CFAP46: variants seen among roughly 807,000 people sequenced by gnomAD.
The protein encoded by CFAP46 is cilia- and flagella-associated protein 46.
A neutral mutation model predicts 325.7 loss-of-function variants in CFAP46; 245 were observed. The ratio of observed to expected loss-of-function variants is 0.75; its 90% confidence interval spans 0.68 to 0.84. The LOEUF (loss-of-function observed/expected upper bound fraction) is 0.84. CFAP46 is among the 40% of genes least tolerant of loss of function. The probability of loss-of-function intolerance (pLI) is 0.00; values close to 1 mark genes in which losing one functional copy is unlikely to be tolerated. For synonymous variants in CFAP46, 1,523 were observed against 1,495.9 expected, an observed-to-expected ratio of 1.02 and a Z score of -0.42; for missense variants, 3,346 against 3,543.0, an observed-to-expected ratio of 0.94 and a Z score of 1.41.
rs367990294 is a variant in CFAP46, at chr10:132,888,792, G to A, written c.3305-2833C>T. On this transcript the variant is annotated intron_variant, in intron 25 of 57. Transcript: ENST00000368586. ...TGCACCTGCCACCTTCACCCCTGCC[G>A]CCTGCACCTGCCACCTTCACCCCTG... Among the ~76,000 whole-genome samples the A allele has an allele frequency of 2.9e-3, 164 of 57,462 alleles. 14 individuals carry two copies. Among genetic ancestry groups the A allele is most frequent in the Admixed American group, 4.2e-3 (24 of 5,660 alleles). The allele number at this position is 57,462 out of a possible 152,430, so 37.7% of individuals were successfully genotyped here. A position where few individuals can be genotyped will look rare whatever the true frequency, so the allele number is the denominator to read the frequency against.
Position 132,879,635 on chromosome 10 carries a change from A to C in CFAP46, c.3800-4T>G, listed in dbSNP as rs926003268. 5 of 1,511,616 alleles carry C rather than the reference A, an allele frequency of 3.3e-6. No homozygotes were observed. In the African/African-American group the frequency reaches 6.9e-5, roughly 21 times the overall value. The allele number at this position is 1,511,616 out of a possible 1,614,324, so 93.6% of individuals were successfully genotyped here. On this transcript the variant is annotated splice_polypyrimidine_tract_variant and splice_region_variant and intron_variant, in intron 28 of 57. Transcript: ENST00000368586. ...ATCTCCACAGCCACGTACTCCCCTGAAACACGGGGTGCCCGAGGCTGAGAG... is the reference window on the plus strand; with the variant it reads ...ATCTCCACAGCCACGTACTCCCCTGCAACACGGGGTGCCCGAGGCTGAGAG...
intron 39 of CFAP46, among the ~76,000 whole-genome samples, chr10:132,856,841 C>T (rs969894494): frequency 3.3e-5 from 5 of 152,238 alleles, no homozygotes; most frequent in Non-Finnish European, 7.3e-5. Flanking sequence ...TGGGCTTTGT[C>T]TTCCTTTGGG....
chr10:132,860,219 A>G (rs1267183953), intron 37 of CFAP46, among the ~76,000 whole-genome samples, 198 bp downstream of exon 37: 1 of 152,240 alleles, frequency 6.6e-6, no homozygotes, highest in African/African-American at 2.4e-5. Context: ...TGGAAGGTCC[A>G]CTTCTCAAAG....
chr10:132,892,244 G>A, intron 25 of CFAP46, 89 bp downstream of exon 25: 1 of 1,257,542 alleles, frequency 8.0e-7, no homozygotes. Flanking sequence ...CAGGGCATGG[G>A]AATTTAAAAG....
At chr10:132,853,548 T>G (rs1848593577) in intron 39 of CFAP46, among the ~76,000 whole-genome samples, 1 of 152,244 alleles carries the variant, frequency 6.6e-6, no homozygotes, top group African/African-American at 2.4e-5. Context: ...GTGGGATGTA[T>G]TCTCTCCTTT....
At chr10:132,882,122 G>C in intron 27 of CFAP46, among the ~76,000 whole-genome samples, 1 of 148,434 alleles carries the variant, frequency 6.7e-6, no homozygotes. Context: ...GTCTGTATGG[G>C]ATGTGGGGTG....
chr10:132,823,077 GTGTGCTGATGTGTGCTTTGTA>G (rs1489632449), intron 50 of CFAP46, among the ~76,000 whole-genome samples: 3 of 146,294 alleles, frequency 2.1e-5, no homozygotes, highest in East Asian at 4.2e-4. Context: ...TGTGTGCTGT[GTGTGCTGATGTGTGCTTTGTA>G]TGTGCTGATG....
chr10:132,921,046 G>A (rs528393691), intron 13 of CFAP46, among the ~76,000 whole-genome samples: 2 of 152,318 alleles, frequency 1.3e-5, no homozygotes, highest in South Asian at 2.1e-4. Context: ...GCCCCTTCCC[G>A]CTCCAAGAGT....
At chr10:132,823,396 G>A (rs576257907) in intron 50 of CFAP46, among the ~76,000 whole-genome samples, 2 of 137,248 alleles carry the variant, frequency 1.5e-5, no homozygotes, top group East Asian at 4.7e-4. Context: ...ACTGATGTGT[G>A]CTGTGTGTGT....
At chr10:132,870,331 T>C (rs116417544) in intron 32 of CFAP46, among the ~76,000 whole-genome samples, 326 of 152,218 alleles carry the variant, frequency 2.1e-3, no homozygotes, top group African/African-American at 7.4e-3. Flanking sequence ...CGATGGGCTC[T>C]TAAGTGTTCC....
At chr10:132,924,594 TG>T in intron 11 of CFAP46, 101 bp downstream of exon 11, 1 of 1,164,364 alleles carries the variant, frequency 8.6e-7, no homozygotes, top group Non-Finnish European at 1.1e-6. Flanking sequence ...CTGTTGCTTG[TG>T]GCACTGTCAT....
At chr10:132,883,066 G>C (rs1008453053) in intron 27 of CFAP46, among the ~76,000 whole-genome samples, 1 of 152,192 alleles carries the variant, frequency 6.6e-6, no homozygotes, top group Non-Finnish European at 1.5e-5. Flanking sequence ...TTATGCAACA[G>C]TTTCGCAGAT....
In CFAP46 at chr10:132,860,338, T is replaced by G; in HGVS notation, c.5198+79A>C. The G allele has an allele frequency of 2.7e-6, 3 of 1,098,878 alleles. No individual in the cohort carries two copies. The South Asian group carries it at 4.2e-5, about 16-fold the overall frequency. The allele number at this position is 1,098,878 out of a possible 1,614,324, so 68.1% of individuals were successfully genotyped here. ...TCTCTGAACTTGCATAGACTTGACG[T>G]ATGGCACAAAAATTGCAGATGGAAA... On this transcript the variant is annotated intron_variant, in intron 37 of 57. Coordinates refer to ENST00000368586, the MANE Select transcript of CFAP46 (RefSeq NM_001200049.3).
intron 11 of CFAP46, among the ~76,000 whole-genome samples, 195 bp downstream of exon 11, chr10:132,924,501 C>T (rs1849776621): frequency 6.6e-6 from 1 of 152,222 alleles, no homozygotes; most frequent in Non-Finnish European, 1.5e-5. Flanking sequence ...CTTCCTCTGG[C>T]GCCGCCAATG....
intron 46 of CFAP46, among the ~76,000 whole-genome samples, 196 bp downstream of exon 46, chr10:132,835,946 C>CT (rs1417644793): frequency 4.2e-5 from 4 of 96,144 alleles, no homozygotes; most frequent in Non-Finnish European, 8.7e-5. Flanking sequence ...CTGCTCCCCC[C>CT]TCCCCCCACT....
intron 15 of CFAP46, 97 bp from the exon 16 acceptor site, chr10:132,918,617 C>T: frequency 7.1e-7 from 1 of 1,410,042 alleles, no homozygotes; most frequent in Non-Finnish European, 9.3e-7. Flanking sequence ...CTGAGCCTCT[C>T]CCCAGCTCCG....
intron 53 of CFAP46, 69 bp downstream of exon 53, chr10:132,814,505 CCCA>C (rs1847649537): frequency 6.5e-7 from 1 of 1,527,056 alleles, no homozygotes; most frequent in Admixed American, 2.0e-5. Flanking sequence ...CCAGTTGCTG[CCCA>C]CAACTGCAGG....
intron 22 of CFAP46, among the ~76,000 whole-genome samples, chr10:132,907,708 T>A (rs1484461239): frequency 6.6e-6 from 1 of 152,164 alleles, no homozygotes; most frequent in African/African-American, 2.4e-5. Context: ...TGCTGGGCGA[T>A]CCTCACCCCC....
At chr10:132,849,791 C>A (rs374155814) in intron 41 of CFAP46, among the ~76,000 whole-genome samples, 1 of 152,164 alleles carries the variant, frequency 6.6e-6, no homozygotes, top group African/African-American at 2.4e-5. Flanking sequence ...GCTGGCCCTG[C>A]TGTGCACTGG....
Sources: allele counts gnomAD v4.1 joint callset (sites outside exome capture counted in the v4.1 genomes callset), GRCh38; gene constraint gnomAD v4.1.1; transcripts MANE v1.5; gene names NCBI Gene and HGNC (gene_info 2026-07-23, HGNC 2026-07-21).